The following TRPC3 variants were observed in gnomAD, a reference collection of about 807,000 sequenced individuals.
The protein encoded by TRPC3 is short transient receptor potential channel 3.
Under a neutral mutation model 90.9 loss-of-function variants are expected in TRPC3, and 54 were observed. The ratio of observed to expected loss-of-function variants is 0.59; its 90% confidence interval spans 0.48 to 0.75. The LOEUF (loss-of-function observed/expected upper bound fraction) is 0.75, where lower values mean the gene tolerates loss of function less well. Ranked by LOEUF, TRPC3 falls within the 30% of genes least tolerant of loss-of-function variation. TRPC3 has a pLI of 0.00. For missense variants in TRPC3, 918 were observed against 1,194.5 expected (o/e 0.77, Z 3.41); for synonymous variants, 424 against 450.9 (o/e 0.94, Z 0.75).
intron 11 of TRPC3, among the ~76,000 whole-genome samples, chr4:121,880,688 C>T (rs547099588): frequency 1.3e-5 from 2 of 152,086 alleles, no homozygotes; most frequent in East Asian, 1.9e-4. Context: ...TGCAAGTGAC[C>T]GTAATGTAGA....
rs192505886 is a variant in TRPC3 at position 121,945,630 on chromosome 4, G to A, written c.215+5836C>T. ...GCTGGAACCTAAAATGAGGGAATTGGCTATATAAAAAGTGCATAGAAACCC... is the reference window on the plus strand; with the variant it reads ...GCTGGAACCTAAAATGAGGGAATTGACTATATAAAAAGTGCATAGAAACCC... On this transcript the variant is annotated intron_variant, in intron 1 of 11. Coordinates refer to ENST00000379645, the MANE Select transcript of TRPC3 (RefSeq NM_001130698.2). Among the ~76,000 whole-genome samples the A allele has an allele frequency of 2.4e-4, 36 of 152,246 alleles. No individual in the cohort carries two copies. The East Asian group carries it at 6.9e-3, about 29-fold the overall frequency.
At chr4:121,893,817 A>T (rs892586062) in intron 10 of TRPC3, among the ~76,000 whole-genome samples, 5 of 152,184 alleles carry the variant, frequency 3.3e-5, no homozygotes, top group African/African-American at 1.2e-4. Context: ...TAAAGCAAAT[A>T]TATATGGAGA....
At chr4:121,935,419 G>GGTGTGTGT (rs34252770) in intron 1 of TRPC3, among the ~76,000 whole-genome samples, 4,857 of 147,270 alleles carry the variant, frequency 0.033, 259 homozygotes, top group African/African-American at 0.11. Flanking sequence ...ACATGTGTGG[G>GGTGTGTGT]GTGTGTGTGT....
Position 121,910,275 on chromosome 4 carries a change from G to A in TRPC3, c.1671C>T (p.Phe557=). 1 of 1,613,796 alleles carries A rather than the reference G, an allele frequency of 6.2e-7. No individual in the cohort carries two copies. Among genetic ancestry groups the A allele is most frequent in the Non-Finnish European group, 8.5e-7 (1 of 1,179,808 alleles). The change falls in exon 6 of 12, where the codon TTC becomes TTT. Residue 557 remains phenylalanine, a synonymous_variant. Coordinates refer to ENST00000379645, the MANE Select transcript of TRPC3 (RefSeq NM_001130698.2). ...GAAGGAAAGCTAGGAATCTGGCTGT[G>A]AAAGCAGCAATGAAGATGGACAGCA... is the stretch of plus-strand genomic sequence containing the variant. The part of the protein sequence containing the change: ...FGMLSIFIAA[F]TARFLAFLQA...
At chr4:121,915,738 A>G (rs1278586887) in intron 3 of TRPC3, among the ~76,000 whole-genome samples, 1 of 152,084 alleles carries the variant, frequency 6.6e-6, no homozygotes, top group African/African-American at 2.4e-5. Context: ...ATCTGCCTGC[A>G]TCATTTAGAA....
At chr4:121,897,038 GAAAAGGACAGTCTCTTCAAT>G (rs1728538262) in intron 10 of TRPC3, among the ~76,000 whole-genome samples, 1 of 152,018 alleles carries the variant, frequency 6.6e-6, no homozygotes, top group Non-Finnish European at 1.5e-5. Flanking sequence ...CACTCATTGG[GAAAAGGACAGTCTCTTCAAT>G]AACTGGTGCT....
At chr4:121,947,386 G>A (rs139000046) in intron 1 of TRPC3, among the ~76,000 whole-genome samples, 180 of 152,154 alleles carry the variant, frequency 1.2e-3, no homozygotes, top group African/African-American at 4.0e-3. Flanking sequence ...AGGGTTGGGA[G>A]GGAGGGAAGT....
chr4:121,914,399 G>A (rs902303505), intron 4 of TRPC3, among the ~76,000 whole-genome samples: 1 of 152,152 alleles, frequency 6.6e-6, no homozygotes, highest in African/African-American at 2.4e-5. Flanking sequence ...CTGTTTCTTG[G>A]TACTACTGCA....
intron 1 of TRPC3, among the ~76,000 whole-genome samples, chr4:121,945,198 T>A (rs1730442877): frequency 6.6e-6 from 1 of 152,246 alleles, no homozygotes; most frequent in South Asian, 2.1e-4. Flanking sequence ...AAGAATGTTC[T>A]TCCTTCTGCC....
Position 121,902,928 on chromosome 4 carries a change from A to G in TRPC3, c.2387T>C (p.Ile796Thr). ...CCTTCTGCATTTGGGAAAGTTAACAATTCGCATGATGAAATAAACAAATGA... is the reference window on the plus strand; with the variant it reads ...CCTTCTGCATTTGGGAAAGTTAACAGTTCGCATGATGAAATAAACAAATGA... ...PKSFVYFIMR[I>T]VNFPKCRRRR... The change falls in exon 9 of 12, where the codon ATT becomes ACT. Residue 796 changes from isoleucine to threonine, a missense_variant. This residue lies in a region of TRPC3 where 121 missense variants were observed against 135.7 expected (regional missense o/e 0.89). Coordinates refer to ENST00000379645, the MANE Select transcript of TRPC3 (RefSeq NM_001130698.2). 6.2e-7 allele frequency: 1 copy of G among 1,613,598 alleles called. No individual in the cohort carries two copies. Among genetic ancestry groups the G allele is most frequent in the South Asian group, 1.1e-5 (1 of 91,020 alleles).
intron 6 of TRPC3, among the ~76,000 whole-genome samples, 156 bp downstream of exon 6, chr4:121,909,998 C>A (rs557494706): frequency 6.6e-6 from 1 of 152,156 alleles, no homozygotes; most frequent in South Asian, 2.1e-4. Context: ...TGAAATGAAT[C>A]CAGTTTTGTA....
At position 121,878,272 on chromosome 4, in the gene TRPC3, T is replaced by C. The variant is rs1727824543; in HGVS notation, c.*1464A>G. Among the ~76,000 whole-genome samples the C allele has an allele frequency of 6.6e-6, 1 of 152,252 alleles. No individual in the cohort carries two copies. The highest frequency in any genetic ancestry group is 2.1e-4 in the South Asian group (1 of 4,834). On this transcript the variant is annotated 3_prime_UTR_variant, in exon 12 of 12. Coordinates refer to ENST00000379645, the MANE Select transcript of TRPC3 (RefSeq NM_001130698.2). ...AAAAAGTAGAAATTAAGAAATAATC[T>C]TTAAAGAGCTTTATGTAGTTCCATT...
chr4:121,947,594 C>T (rs1433734168), intron 1 of TRPC3, among the ~76,000 whole-genome samples: 4 of 152,060 alleles, frequency 2.6e-5, no homozygotes, highest in Admixed American at 2.6e-4. Context: ...GCCAGGGAAG[C>T]GTTAGAACAT....
At chr4:121,950,781 C>A (rs1291311154) in intron 1 of TRPC3, 20 of 152,394 alleles carry the variant, frequency 1.3e-4, no homozygotes, top group Admixed American at 1.2e-3. Flanking sequence ...TAAAGCGGTT[C>A]CCCGGCTGCC....
intron 8 of TRPC3, among the ~76,000 whole-genome samples, chr4:121,903,569 G>A (rs1429044719): frequency 5.3e-5 from 8 of 152,096 alleles, no homozygotes; most frequent in Admixed American, 5.2e-4. Flanking sequence ...TGTCACATAA[G>A]CCCCTGAGTG....
intron 4 of TRPC3, among the ~76,000 whole-genome samples, chr4:121,913,207 C>G (rs547978770): frequency 1.6e-4 from 25 of 152,232 alleles, no homozygotes; most frequent in African/African-American, 5.8e-4. Flanking sequence ...TACACAGCTG[C>G]AAAAAGGGCA....
chr4:121,876,102 G>T lies in TRPC3; in HGVS notation c.*3634C>A, dbSNP rs1727754836. 6.6e-6 allele frequency among the ~76,000 whole-genome samples: 1 copy of T among 151,416 alleles called. No individual in the cohort carries two copies. Among genetic ancestry groups the T allele is most frequent in the Non-Finnish European group, 1.5e-5 (1 of 67,896 alleles). On this transcript the variant is annotated 3_prime_UTR_variant, in exon 12 of 12. Coordinates refer to ENST00000379645, the MANE Select transcript of TRPC3 (RefSeq NM_001130698.2). ...TTTTTTGTAGAGACAGTTTCACCAT[G>T]TTGCCCTGCTGGTCTCGAACTCCTG...
rs922211044 is a variant in TRPC3 at position 121,876,740 on chromosome 4, A to G, written c.*2996T>C. Among the ~76,000 whole-genome samples the G allele has an allele frequency of 6.6e-6, 1 of 152,214 alleles. No individual in the cohort carries two copies. Among genetic ancestry groups the G allele is most frequent in the African/African-American group, 2.4e-5 (1 of 41,450 alleles). On this transcript the variant is annotated 3_prime_UTR_variant, in exon 12 of 12. Coordinates refer to ENST00000379645, the MANE Select transcript of TRPC3 (RefSeq NM_001130698.2). ...CTCATTATTTCAAGTCTAAGAACCC[A>G]AACTTTTCAACAGATTGTGACTTCC... is the stretch of plus-strand genomic sequence containing the variant.
intron 3 of TRPC3, among the ~76,000 whole-genome samples, chr4:121,918,104 C>T (rs901321504): frequency 1.3e-5 from 2 of 152,094 alleles, no homozygotes; most frequent in Admixed American, 6.5e-5. Flanking sequence ...GGTATTAAGA[C>T]GCCTATAAAA....
Sources: allele counts gnomAD v4.1 joint callset (sites outside exome capture counted in the v4.1 genomes callset), GRCh38; gene constraint gnomAD v4.1.1; regional missense constraint gnomAD v4.1.1; transcripts MANE v1.5; gene names NCBI Gene and HGNC (gene_info 2026-07-23, HGNC 2026-07-21).